Variants in EXOC4 observed in about 807,000 individuals in gnomAD.
EXOC4 encodes the protein SEC8-like 1.
Under a neutral mutation model 107.2 loss-of-function variants are expected in EXOC4, and 71 were observed. That is an observed-to-expected ratio of 0.66 (90% confidence interval 0.55 to 0.81). The LOEUF is 0.81. EXOC4 is among the 30% of genes least tolerant of loss of function. The pLI, the probability that EXOC4 is intolerant of heterozygous loss-of-function variation, is 0.00. For missense variants in EXOC4, 1,108 were observed against 1,189.6 expected (o/e 0.93, Z 1.01); for synonymous variants, 456 against 441.2 (o/e 1.03, Z -0.42).
intron 7 of EXOC4, among the ~76,000 whole-genome samples, chr7:133,460,260 G>A (rs939451410): frequency 1.3e-5 from 2 of 152,144 alleles, no homozygotes; most frequent in African/African-American, 2.4e-5. Flanking sequence ...TGCTGCTGAC[G>A]GGAGGTGGAG....
chr7:133,872,071 G>A (rs1585213093), intron 11 of EXOC4, among the ~76,000 whole-genome samples: 3 of 152,244 alleles, frequency 2.0e-5, no homozygotes, highest in South Asian at 4.2e-4. Flanking sequence ...CACAGCAATG[G>A]TGTGACAGTT....
intron 2 of EXOC4, among the ~76,000 whole-genome samples, chr7:133,284,516 A>G (rs1489864499): frequency 1.3e-5 from 2 of 151,978 alleles, no homozygotes; most frequent in African/African-American, 4.8e-5. Flanking sequence ...GCTTTGAGAG[A>G]TATGTTTTAT....
intron 2 of EXOC4, among the ~76,000 whole-genome samples, chr7:133,285,350 G>T (rs1050060372): frequency 2.6e-5 from 4 of 152,180 alleles, no homozygotes; most frequent in African/African-American, 4.8e-5. Context: ...ACATTCTTCA[G>T]TAGTTTGCTG....
chr7:133,305,608 G>A (rs1191081884), intron 3 of EXOC4, among the ~76,000 whole-genome samples: 1 of 152,048 alleles, frequency 6.6e-6, no homozygotes, highest in South Asian at 2.1e-4. Flanking sequence ...CTTTTTACAC[G>A]TGTCCATTGA....
chr7:134,004,866 G>C, intron 15 of EXOC4, 46 bp from the exon 16 acceptor site: 1 of 1,526,300 alleles, frequency 6.6e-7, no homozygotes, highest in Non-Finnish European at 8.9e-7. Context: ...TGCCCTCCCT[G>C]GAAGGATTTA....
chr7:133,768,643 G>A (rs1044857840), intron 10 of EXOC4, among the ~76,000 whole-genome samples: 7 of 151,986 alleles, frequency 4.6e-5, no homozygotes, highest in Admixed American at 2.6e-4. Context: ...CTGGTTCATA[G>A]TAAAGTGTTA....
intron 11 of EXOC4, among the ~76,000 whole-genome samples, chr7:133,826,647 G>GA (rs1229159134): frequency 1.3e-5 from 2 of 151,566 alleles, no homozygotes; most frequent in East Asian, 1.9e-4. Context: ...GCTCCATTCA[G>GA]AAAAAAAATC....
chr7:133,858,581 C>T (rs544083919), intron 11 of EXOC4, among the ~76,000 whole-genome samples: 1 of 152,262 alleles, frequency 6.6e-6, no homozygotes, highest in East Asian at 1.9e-4. Context: ...CCTCTTCTTG[C>T]CTAGGAATTT....
intron 10 of EXOC4, among the ~76,000 whole-genome samples, chr7:133,750,304 G>A (rs1374489138): frequency 2.0e-5 from 3 of 152,058 alleles, no homozygotes; most frequent in Non-Finnish European, 4.4e-5. Context: ...AGATCTCGAT[G>A]TGTTTAAGGA....
chr7:133,816,998 T>G (rs1302409561), intron 10 of EXOC4, among the ~76,000 whole-genome samples: 1 of 152,232 alleles, frequency 6.6e-6, no homozygotes, highest in South Asian at 2.1e-4. Context: ...ATGTGCTTTT[T>G]AATTTCACAA....
intron 11 of EXOC4, among the ~76,000 whole-genome samples, chr7:133,843,901 C>T (rs964888413): frequency 6.6e-6 from 1 of 152,166 alleles, no homozygotes; most frequent in Non-Finnish European, 1.5e-5. Context: ...ACAGCCTTTT[C>T]TGCATCCATT....
intron 14 of EXOC4, among the ~76,000 whole-genome samples, chr7:133,955,789 G>T (rs1234130620): frequency 6.6e-6 from 1 of 152,256 alleles, no homozygotes; most frequent in Admixed American, 6.5e-5. Flanking sequence ...GCCAGAAGGG[G>T]CTGGCGTGTC....
chr7:133,709,645 CT>C lies in EXOC4; in HGVS notation c.1514+79525del, dbSNP rs147956984. On this transcript the variant is annotated intron_variant, in intron 10 of 17. Coordinates refer to ENST00000253861, the MANE Select transcript of EXOC4 (RefSeq NM_021807.4). ...ACTCATCACTATCATAATCTGTTTTCTTTTTTTTTTTTTTTTTTTTTCAAAG... is the reference window on the plus strand; with the variant it reads ...ACTCATCACTATCATAATCTGTTTTCTTTTTTTTTTTTTTTTTTTTCAAAG... 6.7e-3 allele frequency among the ~76,000 whole-genome samples: 786 copies of C among 118,024 alleles called. 1 individual carries two copies. The highest frequency in any genetic ancestry group is 0.017 in the South Asian group (56 of 3,380). 77.4% of individuals were successfully genotyped at this position (118,024 alleles called of 152,430 possible). A position where few individuals can be genotyped will look rare whatever the true frequency, so the allele number is the denominator to read the frequency against.
intron 14 of EXOC4, among the ~76,000 whole-genome samples, chr7:133,988,857 A>T (rs957029668): frequency 6.6e-6 from 1 of 152,216 alleles, no homozygotes; most frequent in Non-Finnish European, 1.5e-5. Context: ...GGACAGAAAT[A>T]AAAAATCTTG....
chr7:133,669,442 T>G (rs1238703221), intron 10 of EXOC4, among the ~76,000 whole-genome samples: 1 of 152,196 alleles, frequency 6.6e-6, no homozygotes, highest in Admixed American at 6.5e-5. Flanking sequence ...GGGAGGACGG[T>G]TGAAGAGTGC....
intron 10 of EXOC4, among the ~76,000 whole-genome samples, chr7:133,747,689 A>G (rs986265618): frequency 6.6e-6 from 1 of 152,042 alleles, no homozygotes; most frequent in African/African-American, 2.4e-5. Context: ...GTATTCATTT[A>G]CCCTTGTCAA....
chr7:133,484,112 G>A (rs1799220365), intron 9 of EXOC4: 1 of 1,612,464 alleles, frequency 6.2e-7, no homozygotes, highest in African/African-American at 1.3e-5. Context: ...CAAAAGTTAA[G>A]TTCCTGCCAA....
chr7:133,969,059 A>G (rs1465854512), intron 14 of EXOC4, among the ~76,000 whole-genome samples: 1 of 151,658 alleles, frequency 6.6e-6, no homozygotes, highest in East Asian at 1.9e-4. Context: ...TTTTTCTCTA[A>G]TCTTGGCTTC....
chr7:133,709,044 G>A (rs1794828301), intron 10 of EXOC4, among the ~76,000 whole-genome samples: 1 of 152,204 alleles, frequency 6.6e-6, no homozygotes, highest in African/African-American at 2.4e-5. Context: ...TCAAAGAAAT[G>A]ACATCTGATG....
Sources: gnomAD v4.1 joint callset for allele counts (sites outside exome capture counted in the v4.1 genomes callset) on GRCh38, gnomAD v4.1.1 for gene constraint, MANE v1.5 for transcripts, NCBI Gene and HGNC (gene_info 2026-07-23, HGNC 2026-07-21) for gene names.